The following GRIP1 variants were observed in gnomAD, a reference collection of about 807,000 sequenced individuals.
GRIP1 encodes the protein glutamate receptor-interacting protein 1.
In GRIP1, 45 loss-of-function variants were observed where a neutral mutation model predicts 129.9. That is an observed-to-expected ratio of 0.35 (90% CI 0.27 to 0.44). GRIP1 has a LOEUF of 0.44. Ranked by LOEUF, GRIP1 falls within the 20% of genes least tolerant of loss-of-function variation. The pLI, the probability that GRIP1 is intolerant of heterozygous loss-of-function variation, is 1.00. For synonymous variants in GRIP1, 530 were observed against 520.8 expected (o/e 1.02, Z -0.24); for missense variants, 1,196 against 1,396.8 (o/e 0.86, Z 2.29).
intron 11 of GRIP1, among the ~76,000 whole-genome samples, chr12:66,453,814 A>G (rs576722465): frequency 4.6e-5 from 7 of 152,322 alleles, no homozygotes; most frequent in Admixed American, 1.3e-4. Context: ...CTACAGCTAG[A>G]AGGTAATGAT....
intron 16 of GRIP1, among the ~76,000 whole-genome samples, chr12:66,405,277 A>G (rs2137650675): frequency 6.6e-6 from 1 of 152,308 alleles, no homozygotes; most frequent in Admixed American, 6.5e-5. Context: ...AACCATATTA[A>G]TAGGAAAGGC....
chr12:66,920,780 G>A (rs1241533335), intron 1 of GRIP1, among the ~76,000 whole-genome samples: 1 of 152,170 alleles, frequency 6.6e-6, no homozygotes, highest in African/African-American at 2.4e-5. Flanking sequence ...GACCACTGCT[G>A]CCCTACTAAG....
intron 1 of GRIP1, among the ~76,000 whole-genome samples, chr12:67,028,387 A>C (rs1211685309): frequency 6.6e-6 from 1 of 152,200 alleles, no homozygotes; most frequent in Admixed American, 6.5e-5. Flanking sequence ...ACTTTTAAAT[A>C]GATGTATTTT....
At chr12:66,829,401 C>T (rs1445741444) in intron 1 of GRIP1, among the ~76,000 whole-genome samples, 1 of 152,106 alleles carries the variant, frequency 6.6e-6, no homozygotes, top group Non-Finnish European at 1.5e-5. Context: ...AGGTCAGCTC[C>T]ATGAAACTGA....
intron 2 of GRIP1, 102 bp downstream of exon 2, chr12:66,596,745 A>G: frequency 3.4e-6 from 2 of 585,854 alleles, no homozygotes; most frequent in Non-Finnish European, 6.3e-6. Flanking sequence ...AACATGATTT[A>G]TTATTATTAT....
rs919163187 is a variant in GRIP1, at chr12:66,972,076, T to G, written c.58+96974A>C. On this transcript the variant is annotated intron_variant, in intron 1 of 1. Coordinates refer to the GRIP1 transcript ENST00000643019. ...GGGAAAAGTACTAAGCTAGGATTCA[T>G]GAGGACAGCTAGCATTTGCCATTAA... Among the ~76,000 whole-genome samples the G allele has an allele frequency of 6.6e-5, 10 of 152,210 alleles. 1 individual carries two copies. The highest frequency in any genetic ancestry group is 2.2e-4 in the African/African-American group (9 of 41,460).
chr12:66,965,182 C>T (rs2041977918), intron 1 of GRIP1, among the ~76,000 whole-genome samples: 1 of 152,014 alleles, frequency 6.6e-6, no homozygotes, highest in Non-Finnish European at 1.5e-5. Context: ...CCCTAAAAAA[C>T]TCCCCATTCC....
intron 1 of GRIP1, among the ~76,000 whole-genome samples, chr12:66,914,035 T>G (rs1026402666): frequency 1.3e-5 from 2 of 152,192 alleles, no homozygotes; most frequent in African/African-American, 4.8e-5. Context: ...TCCTATGAGA[T>G]CAGAATTACG....
chr12:66,708,549 G>GAGA lies in GRIP1; in HGVS notation c.-419-78216_-419-78214dup, dbSNP rs552063730. 2.9e-3 allele frequency among the ~76,000 whole-genome samples: 442 copies of GAGA among 151,984 alleles called. 1 individual carries two copies. Among genetic ancestry groups the GAGA allele is most frequent in the African/African-American group, 0.01 (424 of 41,526 alleles). ...TAAAACAGTATGTCAGGTAGAAAAA[G>GAGA]AGAATATAGATGAATATGTTTATGC... On this transcript the variant is annotated intron_variant, in intron 1 of 4. Transcript: ENST00000538373.
At chr12:67,040,565 G>A (rs901765477) in intron 1 of GRIP1, among the ~76,000 whole-genome samples, 11 of 152,094 alleles carry the variant, frequency 7.2e-5, no homozygotes, top group Non-Finnish European at 1.3e-4. Flanking sequence ...TGTCGTTTAC[G>A]TGTTTAGACA....
chr12:66,722,446 G>C (rs776693286), intron 1 of GRIP1, among the ~76,000 whole-genome samples: 5 of 152,106 alleles, frequency 3.3e-5, no homozygotes, highest in Admixed American at 6.5e-5. Context: ...ATGGGTGCAG[G>C]TCATGGTGCC....
intron 1 of GRIP1, among the ~76,000 whole-genome samples, chr12:66,633,399 C>T (rs887559208): frequency 2.0e-5 from 3 of 151,334 alleles, no homozygotes; most frequent in African/African-American, 7.3e-5. Context: ...AATCCTCCCA[C>T]CTCGGCCTCC....
chr12:66,521,173 A>G (rs1304640252), intron 5 of GRIP1, among the ~76,000 whole-genome samples: 4 of 152,182 alleles, frequency 2.6e-5, no homozygotes. Context: ...TCTTAAATTC[A>G]CTGGACTGTA....
chr12:66,834,723 AT>A (rs911292799), intron 1 of GRIP1, among the ~76,000 whole-genome samples: 43 of 152,250 alleles, frequency 2.8e-4, no homozygotes, highest in African/African-American at 9.1e-4. Flanking sequence ...TTTTATGGTG[AT>A]TTTTTTGGAT....
chr12:66,523,472 CAAATGCT>C (rs957022004), intron 5 of GRIP1, among the ~76,000 whole-genome samples: 35 of 151,152 alleles, frequency 2.3e-4, no homozygotes, highest in Non-Finnish European at 5.2e-4. Context: ...TACAGACAAG[CAAATGCT>C]GAGAGATTTT....
At chr12:66,490,231 C>T (rs1656940396) in intron 7 of GRIP1, among the ~76,000 whole-genome samples, 1 of 152,146 alleles carries the variant, frequency 6.6e-6, no homozygotes, top group Admixed American at 6.5e-5. Context: ...TCAAACTATA[C>T]TACAAGGTTA....
rs1169241331 is a variant in GRIP1, at chr12:66,401,609, T to TATATATATATACAC, written c.1984+4673_1984+4674insGTGTATATATATAT. 6.7e-3 allele frequency among the ~76,000 whole-genome samples: 733 copies of TATATATATATACAC among 110,124 alleles called. 9 individuals are homozygous for TATATATATATACAC. Among genetic ancestry groups the TATATATATATACAC allele is most frequent in the South Asian group, 0.012 (37 of 3,094 alleles). 72.2% of individuals were successfully genotyped at this position (110,124 alleles called of 152,430 possible). A position where few individuals can be genotyped will look rare whatever the true frequency, so the allele number is the denominator to read the frequency against. On this transcript the variant is annotated intron_variant, in intron 16 of 24. Transcript: ENST00000359742. ...AAAAAAATATGTGTGTATATATATATACACACACACACACACACACACACA... is the reference window on the plus strand; with the variant it reads ...AAAAAAATATGTGTGTATATATATATATATATATATACACACACACACACACACACACACACACA...
intron 1 of GRIP1, among the ~76,000 whole-genome samples, chr12:66,844,087 G>T (rs1045984461): frequency 1.3e-5 from 2 of 152,094 alleles, no homozygotes; most frequent in Admixed American, 6.5e-5. Flanking sequence ...AATATATAAA[G>T]AATCCTACAA....
chr12:66,937,747 T>G (rs1373140138), intron 1 of GRIP1, among the ~76,000 whole-genome samples: 1 of 152,100 alleles, frequency 6.6e-6, no homozygotes, highest in Admixed American at 6.5e-5. Context: ...TCAATAGATA[T>G]TAGAGTTTCC....
Sources: gnomAD v4.1 joint callset for allele counts (sites outside exome capture counted in the v4.1 genomes callset) on GRCh38, gnomAD v4.1.1 for gene constraint, MANE v1.5 for transcripts, NCBI Gene and HGNC (gene_info 2026-07-23, HGNC 2026-07-21) for gene names.